ZNF423: variants seen among roughly 807,000 people sequenced by gnomAD.
ZNF423 encodes zinc finger protein 423, also known as Ebf-associated zinc finger protein.
ZNF423 carries 12 observed loss-of-function variants against 95.8 expected under a neutral mutation model. The ratio of observed to expected loss-of-function variants is 0.13; its 90% CI spans 0.08 to 0.20. The LOEUF is 0.20. Among genes scored for constraint, ZNF423 ranks in the 10% least tolerant of loss-of-function variants. The pLI, the probability that ZNF423 is intolerant of heterozygous loss-of-function variation, is 1.00. For synonymous variants in ZNF423, 749 were observed against 711.9 expected (o/e 1.05, Z -0.83); for missense variants, 1,316 against 1,737.1 (o/e 0.76, Z 4.31).
At chr16:49,504,106 T>C (rs1252741140) in intron 7 of ZNF423, among the ~76,000 whole-genome samples, 1 of 151,766 alleles carries the variant, frequency 6.6e-6, no homozygotes, top group African/African-American at 2.4e-5. Context: ...AAAGGGGAAA[T>C]GGGGAGTTAA....
intron 1 of ZNF423, among the ~76,000 whole-genome samples, chr16:49,790,517 G>A (rs1241465254): frequency 6.6e-6 from 1 of 152,240 alleles, no homozygotes; most frequent in Non-Finnish European, 1.5e-5. Context: ...CTCCAAGGTT[G>A]CTTTGAAAAC....
chr16:49,658,220 C>T (rs2029995020), intron 3 of ZNF423, among the ~76,000 whole-genome samples: 1 of 152,256 alleles, frequency 6.6e-6, no homozygotes, highest in Non-Finnish European at 1.5e-5. Context: ...CCCTCTCCCC[C>T]TCCAGACAGG....
chr16:49,758,224 C>T (rs1487699705), intron 2 of ZNF423, among the ~76,000 whole-genome samples: 2 of 152,162 alleles, frequency 1.3e-5, no homozygotes. Context: ...CTACAACCTC[C>T]GCCTCCTGGG....
chr16:49,753,356 C>A (rs1367228317), intron 2 of ZNF423, among the ~76,000 whole-genome samples: 1 of 151,592 alleles, frequency 6.6e-6, no homozygotes. Context: ...AATACTAGCA[C>A]TTTGCGAAGC....
At chr16:49,575,642 C>T (rs573448039) in intron 5 of ZNF423, among the ~76,000 whole-genome samples, 1 of 152,292 alleles carries the variant, frequency 6.6e-6, no homozygotes, top group East Asian at 1.9e-4. Context: ...GGTGGGGCTT[C>T]GACAGAGGCC....
At chr16:49,553,403 A>G (rs1375746035) in intron 5 of ZNF423, among the ~76,000 whole-genome samples, 2 of 149,432 alleles carry the variant, frequency 1.3e-5, no homozygotes, top group African/African-American at 5.0e-5. Context: ...CTGGAGTGCA[A>G]TAATGCAATC....
intron 3 of ZNF423, among the ~76,000 whole-genome samples, chr16:49,673,633 G>A (rs368703391): frequency 1.6e-4 from 24 of 152,220 alleles, no homozygotes; most frequent in African/African-American, 5.1e-4. Context: ...ATGGGCACAC[G>A]TGTGTCACAT....
chr16:49,752,236 C>T (rs1057002787), intron 2 of ZNF423, among the ~76,000 whole-genome samples: 5 of 152,372 alleles, frequency 3.3e-5, no homozygotes, highest in South Asian at 2.1e-4. Flanking sequence ...GCCTGGCTTC[C>T]ATGGCCCCCA....
chr16:49,755,104 G>T (rs1275031881), intron 2 of ZNF423, among the ~76,000 whole-genome samples: 5 of 152,186 alleles, frequency 3.3e-5, no homozygotes, highest in African/African-American at 1.2e-4. Flanking sequence ...GAAAAGAGGT[G>T]GCTGGGAGCG....
intron 7 of ZNF423, among the ~76,000 whole-genome samples, chr16:49,501,949 T>A (rs1967422299): frequency 1.3e-5 from 2 of 152,194 alleles, no homozygotes; most frequent in African/African-American, 4.8e-5. Context: ...ACCTGGGTGA[T>A]GCATTCAGTC....
intron 5 of ZNF423, among the ~76,000 whole-genome samples, chr16:49,550,049 A>T (rs1969580534): frequency 6.6e-6 from 1 of 152,014 alleles, no homozygotes; most frequent in East Asian, 1.9e-4. Context: ...ATCTTTTTCA[A>T]TATGGACAGA....
intron 1 of ZNF423, among the ~76,000 whole-genome samples, chr16:49,789,847 T>C (rs138943552): frequency 6.6e-6 from 1 of 152,262 alleles, no homozygotes; most frequent in East Asian, 1.9e-4. Flanking sequence ...CCAATAAGGT[T>C]GCTCTCAGAG....
At chr16:49,656,830 A>G (rs1709005717) in intron 3 of ZNF423, among the ~76,000 whole-genome samples, 1 of 152,106 alleles carries the variant, frequency 6.6e-6, no homozygotes. Flanking sequence ...TTTAATATTC[A>G]CAGCAATCTG....
chr16:49,651,845 C>T lies in ZNF423; in HGVS notation c.302-12971G>A, dbSNP rs1418916074. ...GAATGGTTTGAGGGGACACAAGACA[C>T]AGTGTCACCTCCCTGAGCCCTGATT... On this transcript the variant is annotated intron_variant, in intron 3 of 7. Transcript: ENST00000563137. 3.3e-5 allele frequency among the ~76,000 whole-genome samples: 5 copies of T among 152,168 alleles called. 1 individual carries two copies. Among genetic ancestry groups the T allele is most frequent in the Non-Finnish European group, 7.3e-5 (5 of 68,030 alleles).
chr16:49,586,242 C>T (rs562600883), intron 5 of ZNF423, among the ~76,000 whole-genome samples: 15 of 152,042 alleles, frequency 9.9e-5, no homozygotes, highest in African/African-American at 3.1e-4. Flanking sequence ...GTGATACAAA[C>T]GACACTTCGA....
intron 1 of ZNF423, among the ~76,000 whole-genome samples, chr16:49,842,394 AAGGAAGGAAGGAAGGAAGGCAGGC>A (rs1206828468): frequency 3.5e-5 from 4 of 114,578 alleles, no homozygotes; most frequent in African/African-American, 9.9e-5. Flanking sequence ...GGAAGGAAGG[AAGGAAGGAAGGAAGGAAGGCAGGC>A]AGGCAGGCAG....
At chr16:49,617,923 C>G (rs1430464898) in intron 5 of ZNF423, among the ~76,000 whole-genome samples, 2 of 152,232 alleles carry the variant, frequency 1.3e-5, no homozygotes, top group South Asian at 2.1e-4. Context: ...GGAAACACTG[C>G]TCCTTCAGCA....
chr16:49,812,569 A>AC (rs2034770712), intron 1 of ZNF423, among the ~76,000 whole-genome samples: 1 of 152,046 alleles, frequency 6.6e-6, no homozygotes, highest in African/African-American at 2.4e-5. Context: ...GGCATGCGCT[A>AC]CTCAGGAGGC....
At chr16:49,825,295 A>G (rs1472360105) in intron 1 of ZNF423, among the ~76,000 whole-genome samples, 1 of 152,350 alleles carries the variant, frequency 6.6e-6, no homozygotes, top group Non-Finnish European at 1.5e-5. Context: ...AGATAGGGTC[A>G]GAACTCTGGG....
Sources: gnomAD v4.1 joint callset for allele counts (sites outside exome capture counted in the v4.1 genomes callset) on GRCh38, gnomAD v4.1.1 for gene constraint, MANE v1.5 for transcripts, NCBI Gene and HGNC (gene_info 2026-07-23, HGNC 2026-07-21) for gene names.